RSRP1: variants seen among roughly 807,000 people sequenced by gnomAD.
RSRP1 encodes the protein arginine and serine rich protein 1, also known as arginine/serine-rich protein 1.
A neutral mutation model predicts 33.0 loss-of-function variants in RSRP1; 37 were observed. The observed-to-expected ratio is 1.12, with a 90% confidence interval of 0.86 to 1.48. The LOEUF (loss-of-function observed/expected upper bound fraction) is 1.48. Ranked by LOEUF, RSRP1 falls within the 40% of genes most tolerant of loss-of-function variation. The pLI is 0.00. For missense variants in RSRP1, 402 were observed against 385.3 expected, an observed-to-expected ratio of 1.04 and a Z score of -0.36; for synonymous variants, 167 against 158.7, an observed-to-expected ratio of 1.05 and a Z score of -0.40.
chr1:25,251,176 A>C (rs1639766569), upstream of RSRP1, among the ~76,000 whole-genome samples: 1 of 152,072 alleles, frequency 6.6e-6, no homozygotes, highest in African/African-American at 2.4e-5. Flanking sequence ...TGGATGAGCT[A>C]GTGTTGGGGA....
chr1:25,257,972 C>A (rs1282615520), intron 1 of RSRP1, among the ~76,000 whole-genome samples: 1 of 152,100 alleles, frequency 6.6e-6, no homozygotes, highest in Non-Finnish European at 1.5e-5. Flanking sequence ...ACTTGTGAAG[C>A]AGCAGGATCC....
intron 1 of RSRP1, among the ~76,000 whole-genome samples, chr1:25,269,565 T>C (rs1640431822): frequency 7.5e-6 from 1 of 132,826 alleles, no homozygotes; most frequent in Admixed American, 7.3e-5. Context: ...GAATCAACAA[T>C]TAACATTTTA....
chr1:25,252,366 A>C (rs1230040371), upstream of RSRP1, among the ~76,000 whole-genome samples: 7 of 152,086 alleles, frequency 4.6e-5, no homozygotes, highest in Admixed American at 4.6e-4. Flanking sequence ...GCATTGAGCA[A>C]ATAGCAGTGA....
chr1:25,274,817 G>C (rs1640803139), intron 1 of RSRP1, among the ~76,000 whole-genome samples: 1 of 133,442 alleles, frequency 7.5e-6, no homozygotes, highest in African/African-American at 2.6e-5. Context: ...GACCAGCCTG[G>C]CCAACATGGC....
Position 25,278,322 on chromosome 1 carries a change from G to A in RSRP1, c.-66-31293C>T, listed in dbSNP as rs1361203735. On this transcript the variant is annotated intron_variant, in intron 1 of 1. Coordinates refer to the RSRP1 transcript ENST00000561867. ...ATGAACAATGATATGTTCATTCTGG[G>A]CTTGGAGTTAAGGGGCCTATGATAT... Among the ~76,000 whole-genome samples the A allele has an allele frequency of 1.5e-5, 2 of 130,320 alleles. 1 individual carries two copies. The highest frequency in any genetic ancestry group is 3.6e-5 in the Non-Finnish European group (2 of 55,084). 85.5% of individuals were successfully genotyped at this position (130,320 alleles called of 152,430 possible). A position where few individuals can be genotyped will look rare whatever the true frequency, so the allele number is the denominator to read the frequency against.
chr1:25,243,484 A>C, intron 4 of RSRP1, 66 bp downstream of exon 4: 1 of 1,578,582 alleles, frequency 6.3e-7, no homozygotes, highest in Non-Finnish European at 8.6e-7. Flanking sequence ...CAAAGATAAA[A>C]ACACAAAGAT....
intron 1 of RSRP1, among the ~76,000 whole-genome samples, chr1:25,299,071 A>AT (rs1296055250): frequency 1.5e-4 from 13 of 89,004 alleles, no homozygotes; most frequent in African/African-American, 4.3e-4. Flanking sequence ...GCACATGGTG[A>AT]TAAAAAAAAA....
At chr1:25,277,060 C>A (rs1339757494) in intron 1 of RSRP1, among the ~76,000 whole-genome samples, 1 of 131,724 alleles carries the variant, frequency 7.6e-6, no homozygotes, top group African/African-American at 2.6e-5. Context: ...GAGCGAGACT[C>A]CGTCTAAAAA....
intron 1 of RSRP1, chr1:25,294,203 C>T (rs1642744709): frequency 2.3e-6 from 2 of 851,666 alleles, no homozygotes; most frequent in Admixed American, 1.8e-5. Context: ...TGCAGATGCC[C>T]ACATCGTGAT....
rs1643471105 is a variant in RSRP1 at position 25,302,566 on chromosome 1, G to C, written c.-67+35412C>G. On this transcript the variant is annotated intron_variant, in intron 1 of 1. Coordinates refer to the RSRP1 transcript ENST00000561867. ...GCCCAGAGGCTAATCCTAGGTGAGAGCTGAGGGTGTCAGATAAGAGCAAGG... is the reference window on the plus strand; with the variant it reads ...GCCCAGAGGCTAATCCTAGGTGAGACCTGAGGGTGTCAGATAAGAGCAAGG... Among the ~76,000 whole-genome samples, 2 of 130,126 alleles carry C rather than the reference G, an allele frequency of 1.5e-5. 1 individual carries two copies. The highest frequency in any genetic ancestry group is 5.3e-5 in the African/African-American group (2 of 37,668). The allele number at this position is 130,126 out of a possible 152,430, so 85.4% of individuals were successfully genotyped here.
chr1:25,285,676 C>G (rs1641918557), intron 1 of RSRP1, among the ~76,000 whole-genome samples: 1 of 135,208 alleles, frequency 7.4e-6, no homozygotes, highest in South Asian at 2.2e-4. Context: ...AAAATGTTCT[C>G]TATGTTCACC....
At chr1:25,307,598 T>C (rs1643915700) in intron 1 of RSRP1, 1 of 808,864 alleles carries the variant, frequency 1.2e-6, no homozygotes, top group African/African-American at 1.7e-5. Flanking sequence ...CCTACTGAGG[T>C]ATTCTCAGAC....
chr1:25,286,174 C>T (rs1439379095), intron 1 of RSRP1, among the ~76,000 whole-genome samples: 1 of 135,244 alleles, frequency 7.4e-6, no homozygotes, highest in African/African-American at 2.6e-5. Context: ...AGGGAAAAAA[C>T]TTTATATATT....
intron 1 of RSRP1, among the ~76,000 whole-genome samples, chr1:25,259,340 G>C (rs1003068627): frequency 2.5e-4 from 38 of 152,082 alleles, no homozygotes; most frequent in Admixed American, 1.3e-3. Flanking sequence ...TGATCTGCCT[G>C]CCTCGGCCTC....
At chr1:25,312,920 T>TCAAAAAAAAAAAAAA (rs1482253138) in intron 1 of RSRP1, among the ~76,000 whole-genome samples, 1 of 6,850 alleles carries the variant, frequency 1.5e-4, no homozygotes, top group Non-Finnish European at 4.3e-4. Context: ...ATCCCATCTC[T>TCAAAAAAAAAAAAAA]AAAAAAAAAA....
chr1:25,313,315 T>G (rs1644266514), intron 1 of RSRP1, among the ~76,000 whole-genome samples: 1 of 132,326 alleles, frequency 7.6e-6, no homozygotes, highest in South Asian at 2.3e-4. Flanking sequence ...TCCAGAACCA[T>G]GAGCTATATA....
Position 25,246,902 on chromosome 1 carries a change from G to A in RSRP1, c.62C>T (p.Thr21Ile), listed in dbSNP as rs1436422880. Residue 21 changes from threonine (T) to isoleucine (I), a missense_variant, in exon 2 of 5, where the codon ACC becomes ATC. Physicochemically the swap from Thr to Ile is moderately conservative, Grantham distance 89. Transcript: ENST00000243189. ...CCGGCTGGACCCGCCCGACCGCGAG[G>A]TCGAGGGCGAATCCTTCTCCTGCGG... ...GSPQEKDSPS[T>I]SRSGGSSRLS... 1.9e-6 allele frequency: 3 copies of A among 1,603,530 alleles called. No individual in the cohort carries two copies. The highest frequency in any genetic ancestry group is 2.2e-5 in the East Asian group (1 of 44,654).
At chr1:25,336,560 A>G (rs1645078646) in intron 1 of RSRP1, 1 of 148,210 alleles carries the variant, frequency 6.7e-6, no homozygotes, top group Non-Finnish European at 1.5e-5. Flanking sequence ...GCTCACTCAT[A>G]TTTATAAATA....
chr1:25,334,095 C>CT lies in RSRP1; in HGVS notation c.-67+3882dup, dbSNP rs1201668248. ...CAGCATTAACTCAAAAGTCCACAGT[C>CT]TAATGTCTCATCTGAGACAAGGCAA... is the stretch of plus-strand genomic sequence containing the variant. On this transcript the variant is annotated intron_variant, in intron 1 of 1. Transcript: ENST00000561867. Among the ~76,000 whole-genome samples, 2 of 130,946 alleles carry CT rather than the reference C, an allele frequency of 1.5e-5. 1 individual carries two copies. Among genetic ancestry groups the CT allele is most frequent in the African/African-American group, 5.2e-5 (2 of 38,126 alleles). 85.9% of individuals were successfully genotyped at this position (130,946 alleles called of 152,430 possible).
Sources: allele counts gnomAD v4.1 joint callset (sites outside exome capture counted in the v4.1 genomes callset), GRCh38; gene constraint gnomAD v4.1.1; transcripts MANE v1.5; gene names NCBI Gene and HGNC (gene_info 2026-07-23, HGNC 2026-07-21).